The following MAD1L1 variants were observed in gnomAD, a reference collection of about 807,000 sequenced individuals.
MAD1L1 encodes mitotic arrest deficient 1 like 1, also known as mitotic spindle assembly checkpoint protein MAD1.
A neutral mutation model predicts 96.9 loss-of-function variants in MAD1L1; 95 were observed. That is an observed-to-expected ratio of 0.98 (90% CI 0.83 to 1.16). The LOEUF (loss-of-function observed/expected upper bound fraction) is 1.16, where lower values mean the gene tolerates loss of function less well. Among genes scored for constraint, MAD1L1 ranks in the 50% most tolerant of loss-of-function variants. MAD1L1 has a pLI of 0.00. For synonymous variants in MAD1L1, 473 were observed against 396.6 expected (o/e 1.19, Z -2.29); for missense variants, 1,007 against 954.4 (o/e 1.06, Z -0.73).
At chr7:2,044,985 G>A (rs1212048283) in intron 12 of MAD1L1, among the ~76,000 whole-genome samples, 3 of 152,174 alleles carry the variant, frequency 2.0e-5, no homozygotes, top group Non-Finnish European at 4.4e-5. Flanking sequence ...AGGAAGCAGA[G>A]GCTCTGACAG....
In MAD1L1 at chr7:1,871,004, C is replaced by T. The variant is rs543397545; in HGVS notation, c.1998+27196G>A. On this transcript the variant is annotated intron_variant, in intron 18 of 18. Transcript: ENST00000265854. ...CATACGCCTGCCATGCCGAACCAAC[C>T]GTAACACCTGCCACGCTGAACCTAA... Among the ~76,000 whole-genome samples the T allele has an allele frequency of 6.1e-4, 88 of 143,668 alleles. 5 individuals are homozygous for T. The highest frequency in any genetic ancestry group is 2.1e-3 in the African/African-American group (82 of 38,402). The allele number at this position is 143,668 out of a possible 152,430, so 94.3% of individuals were successfully genotyped here.
intron 18 of MAD1L1, among the ~76,000 whole-genome samples, chr7:1,843,618 G>C (rs978844793): frequency 1.3e-5 from 2 of 152,230 alleles, no homozygotes; most frequent in African/African-American, 4.8e-5. Flanking sequence ...CAAAGTGCGT[G>C]CTTCCTCCTG....
rs139018756 is a variant in MAD1L1, at chr7:1,859,261, G to A, written c.1998+38939C>T. ...GCAGACAGCTGGGTGCGCAGCAGCT[G>A]TGATGATCAGAACCCTGACCAGGCC... On this transcript the variant is annotated intron_variant, in intron 18 of 18. Coordinates refer to ENST00000265854, the MANE Select transcript of MAD1L1 (RefSeq NM_001013836.2). 2.2e-4 allele frequency among the ~76,000 whole-genome samples: 34 copies of A among 152,334 alleles called. No homozygotes were observed. The East Asian group carries it at 5.4e-3, about 24-fold the overall frequency.
At position 1,898,206 on chromosome 7, in the gene MAD1L1, G is replaced by A. The variant is rs559582285; in HGVS notation, c.1992C>T (p.Ile664=). The A allele has an allele frequency of 1.9e-6, 3 of 1,608,612 alleles. No homozygotes were observed. Among genetic ancestry groups the A allele is most frequent in the Non-Finnish European group, 2.5e-6 (3 of 1,177,314 alleles). ...LYAEHPGDCL[I]FKATSPSGSK... ...CGTCACACGCAGGACCCACCTTGAAGATGAGGCAGTCGCCTGGGTGCTCGG... is the reference window on the plus strand; with the variant it reads ...CGTCACACGCAGGACCCACCTTGAAAATGAGGCAGTCGCCTGGGTGCTCGG... Residue 664 remains isoleucine (I), a synonymous_variant, in exon 18 of 19, where the codon ATC becomes ATT. Coordinates refer to ENST00000265854, the MANE Select transcript of MAD1L1 (RefSeq NM_001013836.2).
At chr7:2,095,043 C>A (rs1001471486) in intron 11 of MAD1L1, among the ~76,000 whole-genome samples, 15 of 150,588 alleles carry the variant, frequency 1.0e-4, no homozygotes, top group East Asian at 2.0e-4. Flanking sequence ...ATATATATAT[C>A]TCCCCATATT....
At chr7:1,933,993 C>T (rs374235253) in intron 17 of MAD1L1, among the ~76,000 whole-genome samples, 3 of 152,204 alleles carry the variant, frequency 2.0e-5, no homozygotes, top group African/African-American at 7.2e-5. Context: ...ACTGCTCACC[C>T]GCCAATTCCA....
chr7:1,905,774 G>A (rs1787588580), intron 17 of MAD1L1, among the ~76,000 whole-genome samples: 3 of 152,146 alleles, frequency 2.0e-5, no homozygotes, highest in Admixed American at 2.0e-4. Context: ...CTGGGGCTGG[G>A]CACAGTGGCT....
chr7:2,229,986 G>C lies in MAD1L1; in HGVS notation c.148C>G (p.Gln50Glu). The C allele has an allele frequency of 5.6e-6, 9 of 1,612,450 alleles. No individual in the cohort carries two copies. Among genetic ancestry groups the C allele is most frequent in the Non-Finnish European group, 7.6e-6 (9 of 1,179,954 alleles). ...SLQMQYQQSM[Q>E]LEERAEQIRS... ...CCACCCAGGCACATGCCACTCACCT[G>C]CATGCTCTGCTGGTACTGCATCTGC... The change falls in exon 3 of 19, where the codon CAG becomes GAG. Residue 50 changes from glutamine to glutamate, a missense_variant and splice_region_variant. By Grantham distance (29) the Gln-to-Glu change is conservative (BLOSUM62 2). Transcript: ENST00000265854.
chr7:1,988,942 T>G (rs1192082698), intron 14 of MAD1L1, among the ~76,000 whole-genome samples: 1 of 152,236 alleles, frequency 6.6e-6, no homozygotes, highest in Non-Finnish European at 1.5e-5. Context: ...GACAAGGCCC[T>G]GATGCCCAGC....
chr7:1,976,445 G>A (rs1044632365), intron 15 of MAD1L1, among the ~76,000 whole-genome samples: 8 of 152,068 alleles, frequency 5.3e-5, no homozygotes, highest in Non-Finnish European at 7.4e-5. Context: ...GGAGTTGTTC[G>A]TTCCTCCCAG....
intron 10 of MAD1L1, among the ~76,000 whole-genome samples, chr7:2,167,585 G>C (rs1004310582): frequency 6.6e-6 from 1 of 151,658 alleles, no homozygotes; most frequent in South Asian, 2.1e-4. Context: ...ATTAAAATTA[G>C]CCGTGCATGG....
intron 10 of MAD1L1, among the ~76,000 whole-genome samples, chr7:2,152,414 C>A (rs529065113): frequency 6.6e-6 from 1 of 152,212 alleles, no homozygotes; most frequent in Non-Finnish European, 1.5e-5. Flanking sequence ...CAGCCTCTTG[C>A]GCTGAAAAAC....
chr7:1,964,681 C>T (rs760764167), intron 15 of MAD1L1, among the ~76,000 whole-genome samples: 2 of 152,234 alleles, frequency 1.3e-5, no homozygotes, highest in Non-Finnish European at 2.9e-5. Flanking sequence ...TAGATCTTTC[C>T]TCGAGAAGAT....
intron 10 of MAD1L1, among the ~76,000 whole-genome samples, chr7:2,211,219 C>G (rs572960241): frequency 6.6e-6 from 1 of 152,254 alleles, no homozygotes; most frequent in East Asian, 1.9e-4. Flanking sequence ...GGCCTGGCCA[C>G]CAGGGAGGGC....
chr7:2,112,248 T>C (rs1358276258), intron 11 of MAD1L1, among the ~76,000 whole-genome samples: 1 of 152,018 alleles, frequency 6.6e-6, no homozygotes, highest in Non-Finnish European at 1.5e-5. Flanking sequence ...GCCCCAGGCA[T>C]GTGAAAATGC....
intron 11 of MAD1L1, among the ~76,000 whole-genome samples, chr7:2,123,301 T>A (rs1469230770): frequency 4.1e-5 from 4 of 97,912 alleles, no homozygotes; most frequent in African/African-American, 6.6e-5. Context: ...CGAGACTCCA[T>A]CTCAAAAAAA....
At chr7:1,835,373 C>T (rs537154780) in intron 18 of MAD1L1, among the ~76,000 whole-genome samples, 1 of 152,188 alleles carries the variant, frequency 6.6e-6, no homozygotes, top group African/African-American at 2.4e-5. Flanking sequence ...AGTGGAAGTG[C>T]AAGTGTACTT....
At chr7:2,143,820 C>T (rs1290392226) in intron 11 of MAD1L1, among the ~76,000 whole-genome samples, 2 of 152,114 alleles carry the variant, frequency 1.3e-5, no homozygotes, top group East Asian at 3.9e-4. Flanking sequence ...CTGGGAAAGC[C>T]GATGCACAGA....
chr7:2,134,979 C>G (rs1161427120), intron 11 of MAD1L1, among the ~76,000 whole-genome samples: 2 of 152,220 alleles, frequency 1.3e-5, no homozygotes, highest in African/African-American at 2.4e-5. Flanking sequence ...CCAGAAAAAC[C>G]AGAACTGAGG....
Sources: gnomAD v4.1 joint callset for allele counts (sites outside exome capture counted in the v4.1 genomes callset) on GRCh38, gnomAD v4.1.1 for gene constraint, MANE v1.5 for transcripts, NCBI Gene and HGNC (gene_info 2026-07-23, HGNC 2026-07-21) for gene names.